The following PSME4 variants were observed in gnomAD, a reference collection of about 807,000 sequenced individuals.
PSME4 encodes the protein proteasome activator subunit 4.
PSME4 carries 89 observed loss-of-function variants against 253.9 expected under a neutral mutation model. The observed-to-expected ratio is 0.35, with a 90% confidence interval of 0.30 to 0.42. The LOEUF (loss-of-function observed/expected upper bound fraction) is 0.42, where lower values mean the gene tolerates loss of function less well. Ranked by LOEUF, PSME4 falls within the 10% of genes least tolerant of loss-of-function variation. The pLI, the probability that PSME4 is intolerant of heterozygous loss-of-function variation, is 1.00. For synonymous variants in PSME4, 851 were observed against 759.2 expected, an observed-to-expected ratio of 1.12 and a Z score of -1.99; for missense variants, 2,014 against 2,195.2, an observed-to-expected ratio of 0.92 and a Z score of 1.65.
intron 27 of PSME4, among the ~76,000 whole-genome samples, chr2:53,902,149 T>C (rs116383754): frequency 3.9e-5 from 6 of 152,316 alleles, no homozygotes; most frequent in East Asian, 1.9e-4. Context: ...AGAACATATA[T>C]TCCATTCTGA....
intron 36 of PSME4, among the ~76,000 whole-genome samples, chr2:53,891,402 G>C (rs147826848): frequency 0.01 from 1,525 of 152,216 alleles, 12 homozygotes; most frequent in Non-Finnish European, 0.014. Context: ...TGCTACCCCT[G>C]CTGCAGGTCC....
At position 53,903,552 on chromosome 2, in the gene PSME4, C is replaced by A. The variant is rs571814325; in HGVS notation, c.3075+473G>T. ...TCTCTACTCCAATTGCATAAGCTTT[C>A]ATACCACTGCTCAAACTTACCATAT... On this transcript the variant is annotated intron_variant, in intron 27 of 46. Coordinates refer to ENST00000404125, the MANE Select transcript of PSME4 (RefSeq NM_014614.3). Among the ~76,000 whole-genome samples the A allele has an allele frequency of 3.9e-5, 6 of 152,230 alleles. No individual in the cohort carries two copies. The South Asian group carries it at 1.0e-3, about 26-fold the overall frequency.
chr2:53,911,994 C>T (rs1340871727), intron 20 of PSME4, among the ~76,000 whole-genome samples: 1 of 152,164 alleles, frequency 6.6e-6, no homozygotes, highest in Non-Finnish European at 1.5e-5. Flanking sequence ...ATGCTGACTA[C>T]TTTAAAAAAT....
intron 43 of PSME4, chr2:53,870,862 G>C (rs148902864): frequency 1.3e-5 from 2 of 151,340 alleles, no homozygotes; most frequent in African/African-American, 4.9e-5. Context: ...TCTCCAACTC[G>C]TGGGCTCAAG....
rs7607389 is a variant in PSME4, at chr2:53,934,061, A to G, written c.957+544T>C. ...GCTGCAGAAGCAATATATGAATGAT[A>G]AACTAGATAATTATAATAGGAAGCT... is the stretch of plus-strand genomic sequence containing the variant. On this transcript the variant is annotated intron_variant, in intron 8 of 46. Coordinates refer to ENST00000404125, the MANE Select transcript of PSME4 (RefSeq NM_014614.3). Among the ~76,000 whole-genome samples the G allele has an allele frequency of 5.6e-3, 851 of 152,334 alleles. 8 individuals are homozygous for G. Among genetic ancestry groups the G allele is most frequent in the African/African-American group, 0.019 (806 of 41,580 alleles).
intron 32 of PSME4, among the ~76,000 whole-genome samples, chr2:53,896,335 C>CAATGTTTAT (rs1680135679): frequency 6.6e-6 from 1 of 152,050 alleles, no homozygotes; most frequent in Admixed American, 6.6e-5. Flanking sequence ...TAATCCAATC[C>CAATGTTTAT]AGGATTAAAC....
intron 1 of PSME4, among the ~76,000 whole-genome samples, chr2:53,957,835 T>C (rs1670305034): frequency 6.6e-6 from 1 of 152,150 alleles, no homozygotes; most frequent in African/African-American, 2.4e-5. Context: ...AGCAAAACTT[T>C]ATGTGCTTAA....
At chr2:53,963,722 G>A (rs1670594084) in intron 1 of PSME4, among the ~76,000 whole-genome samples, 1 of 152,152 alleles carries the variant, frequency 6.6e-6, no homozygotes, top group Admixed American at 6.5e-5. Context: ...AAATGAAATG[G>A]AAACTCAGAA....
chr2:53,906,925 T>C (rs1438320566), intron 24 of PSME4, 57 bp from the exon 25 acceptor site: 9 of 1,504,724 alleles, frequency 6.0e-6, no homozygotes, highest in East Asian at 2.3e-5. Context: ...ACTTCAACAA[T>C]GGATGCCTCT....
rs934272409 is a variant in PSME4, at chr2:53,937,533, G to A, written c.553C>T (p.Pro185Ser). 1.9e-5 allele frequency: 30 copies of A among 1,607,908 alleles called. No individual in the cohort carries two copies. Among genetic ancestry groups the A allele is most frequent in the Non-Finnish European group, 2.4e-5 (28 of 1,178,412 alleles). Reference protein sequence around the residue: ...TLVKSCRPYFPADATAEMLEE... With the variant: ...TLVKSCRPYFSADATAEMLEE... Reference sequence around the variant, plus strand: ...AGCATCTCAGCGGTGGCATCTGCTGGAAAATATCTAATAAAAAAAGAAGGT... The same window carrying A: ...AGCATCTCAGCGGTGGCATCTGCTGAAAAATATCTAATAAAAAAAGAAGGT... The change falls in exon 5 of 47, where the codon CCA becomes TCA. Residue 185 changes from proline to serine, a missense_variant. Physicochemically the swap from Pro to Ser is moderately conservative, Grantham distance 74. This residue lies in a region of PSME4 where 615 missense variants were observed against 594.4 expected (regional missense o/e 1.03). Transcript: ENST00000404125.
intron 10 of PSME4, among the ~76,000 whole-genome samples, chr2:53,929,793 G>A (rs563906040): frequency 2.6e-4 from 39 of 152,084 alleles, no homozygotes; most frequent in East Asian, 3.9e-4. Context: ...CAAGGCAGGC[G>A]GACTGCTTGA....
intron 1 of PSME4, among the ~76,000 whole-genome samples, chr2:53,955,659 T>C (rs983271015): frequency 6.6e-6 from 1 of 152,280 alleles, no homozygotes; most frequent in East Asian, 1.9e-4. Context: ...CAGTGGCTCA[T>C]GTCTGCAATC....
At chr2:53,896,633 T>C (rs1435551122) in intron 32 of PSME4, among the ~76,000 whole-genome samples, 171 bp downstream of exon 32, 2 of 152,218 alleles carry the variant, frequency 1.3e-5, no homozygotes, top group African/African-American at 2.4e-5. Flanking sequence ...TTTTTGTAAA[T>C]AGTTATCACT....
At chr2:53,912,192 G>C (rs945228709) in intron 20 of PSME4, among the ~76,000 whole-genome samples, 1 of 151,890 alleles carries the variant, frequency 6.6e-6, no homozygotes, top group African/African-American at 2.4e-5. Flanking sequence ...AGCCAGATGA[G>C]AAATCTACAC....
At position 53,958,577 on chromosome 2, in the gene PSME4, C is replaced by G. The variant is rs776526395; in HGVS notation, c.243-9294G>C. On this transcript the variant is annotated intron_variant, in intron 1 of 46. Transcript: ENST00000404125. Reference sequence around the variant, plus strand: ...CAATATCAGACTTTAAGGCATTCCTCTCCCAAGAGGCGCTTCCTTTAAAGT... The same window carrying G: ...CAATATCAGACTTTAAGGCATTCCTGTCCCAAGAGGCGCTTCCTTTAAAGT... 2.8e-4 allele frequency among the ~76,000 whole-genome samples: 42 copies of G among 152,284 alleles called. No individual in the cohort carries two copies. In the Middle Eastern group the frequency reaches 0.01, roughly 37 times the overall value.
In PSME4 at chr2:53,888,718, T is replaced by C. The variant is rs766901813; in HGVS notation, c.4388+3A>G. The stretch of plus-strand genomic sequence containing the variant: ...ACCTCATAGGTTTTTTAAAAAAATT[T>C]ACCATGCATCTACAAAGGATCCTCC... On this transcript the variant is annotated splice_donor_region_variant and intron_variant, in intron 38 of 46. Transcript: ENST00000404125. 2.5e-6 allele frequency: 4 copies of C among 1,602,382 alleles called. No homozygotes were observed. The highest frequency in any genetic ancestry group is 1.7e-5 in the Admixed American group (1 of 59,814).
chr2:53,953,220 AAATT>A (rs1183345963), intron 1 of PSME4, among the ~76,000 whole-genome samples: 2 of 152,178 alleles, frequency 1.3e-5, no homozygotes, highest in Non-Finnish European at 2.9e-5. Context: ...TATAAAAAGA[AAATT>A]AATAAATTGG....
chr2:53,957,632 T>C (rs1198899155), intron 1 of PSME4, among the ~76,000 whole-genome samples: 4 of 152,112 alleles, frequency 2.6e-5, no homozygotes, highest in African/African-American at 9.7e-5. Context: ...CACAGCAGAT[T>C]AACAGTACGT....
At position 53,895,591 on chromosome 2, in the gene PSME4, G is replaced by C. The variant is rs1012355372; in HGVS notation, c.3834C>G (p.Thr1278=). The stretch of plus-strand genomic sequence containing the variant: ...CACAGTAAGTTACTTACTTTGGCCA[G>C]GTGTAGTATCCCCAGTGAGTTTTTT... The part of the protein sequence containing the change: ...FVEKTHWGYY[T]WPKNMVVYAG... Residue 1278 remains threonine, a synonymous_variant, in exon 33 of 47, where the codon ACC becomes ACG. Transcript: ENST00000404125. 1 of 1,610,638 alleles carries C rather than the reference G, an allele frequency of 6.2e-7. No individual in the cohort carries two copies. Among genetic ancestry groups the C allele is most frequent in the African/African-American group, 1.3e-5 (1 of 74,820 alleles).
Sources: gnomAD v4.1 joint callset for allele counts (sites outside exome capture counted in the v4.1 genomes callset) on GRCh38, gnomAD v4.1.1 for gene constraint, gnomAD v4.1.1 regional missense constraint, MANE v1.5 for transcripts, NCBI Gene and HGNC (gene_info 2026-07-23, HGNC 2026-07-21) for gene names.